The following ENKUR variants were observed in gnomAD, a reference collection of about 807,000 sequenced individuals.
ENKUR encodes the protein enkurin.
ENKUR carries 19 observed loss-of-function variants against 27.6 expected under a neutral mutation model. That is an observed-to-expected ratio of 0.69 (90% CI 0.48 to 1.01). The LOEUF (loss-of-function observed/expected upper bound fraction) is 1.01, where lower values mean the gene tolerates loss of function less well. Ranked by LOEUF, ENKUR falls within the 50% of genes least tolerant of loss-of-function variation. The probability of loss-of-function intolerance (pLI) is 0.00; values close to 1 mark genes in which losing one functional copy is unlikely to be tolerated. For synonymous variants in ENKUR, 117 were observed against 96.9 expected (o/e 1.21, Z -1.22); for missense variants, 312 against 310.5 (o/e 1.00, Z -0.04).
chr10:25,003,709 T>G (rs991693433), intron 1 of ENKUR, among the ~76,000 whole-genome samples: 2 of 152,250 alleles, frequency 1.3e-5, no homozygotes, highest in East Asian at 3.8e-4. Context: ...GGGATACATG[T>G]GCAGATTTGT....
chr10:25,040,449 C>T (rs1410527083), intron 2 of ENKUR, among the ~76,000 whole-genome samples: 1 of 150,380 alleles, frequency 6.6e-6, no homozygotes, highest in Non-Finnish European at 1.5e-5. Flanking sequence ...TGGCTTACTG[C>T]AAGCTCCGCC....
intron 2 of ENKUR, among the ~76,000 whole-genome samples, chr10:25,029,149 TTAGTGACTG>T (rs1009636508): frequency 2.0e-5 from 3 of 152,206 alleles, no homozygotes; most frequent in Non-Finnish European, 4.4e-5. Context: ...ATGTTGAAGG[TTAGTGACTG>T]TAAACTTCTT....
chr10:24,999,323 T>C lies in ENKUR; in HGVS notation c.223+78A>G. The C allele has an allele frequency of 2.9e-6, 4 of 1,389,762 alleles. No individual in the cohort carries two copies. The South Asian group carries it at 5.4e-5, about 19-fold the overall frequency. 86.1% of individuals were successfully genotyped at this position (1,389,762 alleles called of 1,614,324 possible). ...GCTGCTATCACCTGTGCATGTTTAATATTCATCAACAATAAAATAATAGTT... is the reference window on the plus strand; with the variant it reads ...GCTGCTATCACCTGTGCATGTTTAACATTCATCAACAATAAAATAATAGTT... On this transcript the variant is annotated intron_variant, in intron 2 of 5. Transcript: ENST00000331161.
chr10:25,020,572 G>A (rs188523688), upstream of ENKUR, among the ~76,000 whole-genome samples: 75 of 152,086 alleles, frequency 4.9e-4, no homozygotes, highest in Non-Finnish European at 9.7e-4. Context: ...TTCGAGATCA[G>A]TCTGGGCAAC....
intron 2 of ENKUR, chr10:25,023,776 T>C: frequency 1.9e-6 from 3 of 1,614,016 alleles, no homozygotes; most frequent in Non-Finnish European, 2.5e-6. Flanking sequence ...TATGAAAGAC[T>C]TACTTAAATT....
intron 2 of ENKUR, among the ~76,000 whole-genome samples, chr10:25,034,667 G>T: frequency 6.6e-6 from 1 of 152,140 alleles, no homozygotes; most frequent in Non-Finnish European, 1.5e-5. Flanking sequence ...GTCATTACCA[G>T]AAAATAACAC....
At position 25,009,813 on chromosome 10, in the gene ENKUR, C is replaced by CTT. The variant is rs151093650; in HGVS notation, c.77+6046_77+6047insAA. 7.4e-3 allele frequency among the ~76,000 whole-genome samples: 1,130 copies of CTT among 152,268 alleles called. 18 individuals are homozygous for CTT. The highest frequency in any genetic ancestry group is 0.025 in the African/African-American group (1,038 of 41,548). The stretch of plus-strand genomic sequence containing the variant: ...AGAGGCGTTCCCCTGCACACACTCT[C>CTT]GTTTCCCACTATGTAAGATGTGACT... On this transcript the variant is annotated intron_variant, in intron 1 of 5. Coordinates refer to ENST00000331161, the MANE Select transcript of ENKUR (RefSeq NM_145010.4).
chr10:25,059,001 CAAG>C (rs1851295525), intron 2 of ENKUR, among the ~76,000 whole-genome samples: 1 of 151,852 alleles, frequency 6.6e-6, no homozygotes, highest in East Asian at 1.9e-4. Context: ...CCCATTCCTC[CAAG>C]AAGCAGGTGC....
intron 2 of ENKUR, among the ~76,000 whole-genome samples, chr10:24,996,167 G>C (rs985987149): frequency 1.2e-4 from 18 of 152,144 alleles, no homozygotes; most frequent in Middle Eastern, 6.3e-3. Flanking sequence ...TGTTGAGGAG[G>C]CCGGGCACGG....
At chr10:25,024,977 A>G (rs1850818144) in intron 2 of ENKUR, 1 of 1,614,202 alleles carries the variant, frequency 6.2e-7, no homozygotes, top group South Asian at 1.1e-5. Flanking sequence ...AAAGATGGAC[A>G]GCTAATGACA....
chr10:24,988,412 A>G (rs1849837681), intron 4 of ENKUR, among the ~76,000 whole-genome samples: 1 of 145,818 alleles, frequency 6.9e-6, no homozygotes, highest in Non-Finnish European at 1.5e-5. Flanking sequence ...GTGTATATAT[A>G]TTTATATATA....
At chr10:25,042,388 G>A (rs915143500) in intron 2 of ENKUR, among the ~76,000 whole-genome samples, 9 of 151,650 alleles carry the variant, frequency 5.9e-5, no homozygotes, top group Admixed American at 1.3e-4. Context: ...TCCGCCTCCC[G>A]GGTTCAAGCA....
At chr10:25,046,142 G>T (rs1197729129) in intron 2 of ENKUR, among the ~76,000 whole-genome samples, 3 of 152,122 alleles carry the variant, frequency 2.0e-5, no homozygotes, top group Non-Finnish European at 4.4e-5. Flanking sequence ...GCTATGAGAG[G>T]TTTATTAATT....
At chr10:25,037,692 A>G (rs1223415354) in intron 2 of ENKUR, among the ~76,000 whole-genome samples, 1 of 151,756 alleles carries the variant, frequency 6.6e-6, no homozygotes, top group African/African-American at 2.4e-5. Context: ...TTTCCTTATC[A>G]TTTCCTTAAA....
chr10:25,017,204 C>G (rs180758055), upstream of ENKUR, among the ~76,000 whole-genome samples: 1 of 152,168 alleles, frequency 6.6e-6, no homozygotes, highest in African/African-American at 2.4e-5. Context: ...CGTTTTTGTC[C>G]AGTTTTTGGT....
chr10:24,993,325 T>A (rs1673362563), intron 3 of ENKUR, among the ~76,000 whole-genome samples: 2 of 152,256 alleles, frequency 1.3e-5, no homozygotes, highest in African/African-American at 4.8e-5. Context: ...AGGTGTCACA[T>A]TTTGTGTCAA....
intron 5 of ENKUR, 53 bp downstream of exon 5, chr10:24,984,683 C>T (rs1370042659): frequency 6.7e-7 from 1 of 1,489,394 alleles, no homozygotes; most frequent in East Asian, 2.3e-5. Flanking sequence ...TTATATTTTC[C>T]ATGTTTTTTT....
At chr10:25,042,419 C>T (rs1043069786) in intron 2 of ENKUR, among the ~76,000 whole-genome samples, 33 of 151,892 alleles carry the variant, frequency 2.2e-4, no homozygotes, top group Non-Finnish European at 4.1e-4. Context: ...CTCAGCCTCC[C>T]GAGTAGCTGG....
chr10:25,058,798 G>T (rs1253370586), intron 2 of ENKUR, among the ~76,000 whole-genome samples: 1 of 152,030 alleles, frequency 6.6e-6, no homozygotes, highest in Non-Finnish European at 1.5e-5. Context: ...AGGTGTAGTG[G>T]CTCATGCCTG....
Sources: allele counts gnomAD v4.1 joint callset (sites outside exome capture counted in the v4.1 genomes callset), GRCh38; gene constraint gnomAD v4.1.1; transcripts MANE v1.5; gene names NCBI Gene and HGNC (gene_info 2026-07-23, HGNC 2026-07-21).